Variants in CERS3 observed in about 807,000 individuals in gnomAD.
CERS3 encodes the protein ceramide synthase 3, also known as LAG1 homolog, ceramide synthase 3.
In CERS3, 33 loss-of-function variants were observed where a neutral mutation model predicts 50.3. That is an observed-to-expected ratio of 0.66 (90% CI 0.50 to 0.88). The LOEUF is 0.88. CERS3 is among the 40% of genes least tolerant of loss of function. The pLI is 0.00. For missense variants in CERS3, 470 were observed against 460.3 expected (o/e 1.02, Z -0.19); for synonymous variants, 176 against 155.2 (o/e 1.13, Z -0.99).
Position 100,428,840 on chromosome 15 carries a change from C to T in CERS3, c.1000-25975G>A, listed in dbSNP as rs772200373. ...ATGATATTTAAATAGAGGAATCTCA[C>T]TTAGATGAGGCTGATGCCAGGAAGG... On this transcript the variant is annotated intron_variant, in intron 11 of 11. Transcript: ENST00000679737. 2.0e-5 allele frequency among the ~76,000 whole-genome samples: 3 copies of T among 152,296 alleles called. 1 individual carries two copies. The highest frequency in any genetic ancestry group is 6.8e-3 in the Middle Eastern group (2 of 294).
chr15:100,452,731 A>T (rs766905594), intron 11 of CERS3, among the ~76,000 whole-genome samples: 2 of 152,130 alleles, frequency 1.3e-5, no homozygotes, highest in Non-Finnish European at 2.9e-5. Flanking sequence ...TTTTGAAAAG[A>T]TAGACAAAAT....
At chr15:100,455,651 T>C (rs1300606523) in intron 11 of CERS3, among the ~76,000 whole-genome samples, 2 of 152,162 alleles carry the variant, frequency 1.3e-5, no homozygotes, top group South Asian at 4.1e-4. Flanking sequence ...TTTTGAAGTT[T>C]TGACATTTTA....
intron 9 of CERS3, among the ~76,000 whole-genome samples, chr15:100,472,493 C>T (rs771066218): frequency 6.6e-6 from 1 of 150,842 alleles, no homozygotes; most frequent in Non-Finnish European, 1.5e-5. Flanking sequence ...AGGGATTGGG[C>T]TCGGGGAGGG....
At chr15:100,476,484 A>G (rs1596728176) in intron 7 of CERS3, among the ~76,000 whole-genome samples, 1 of 152,216 alleles carries the variant, frequency 6.6e-6, no homozygotes, top group African/African-American at 2.4e-5. Flanking sequence ...TTTTAAAAAA[A>G]TTAAAAATCT....
intron 11 of CERS3, among the ~76,000 whole-genome samples, chr15:100,427,291 G>A (rs974627654): frequency 6.6e-6 from 1 of 152,136 alleles, no homozygotes; most frequent in Non-Finnish European, 1.5e-5. Flanking sequence ...CAAGAATTCC[G>A]AATAAGGAAA....
chr15:100,413,091 G>A (rs1195912352), intron 11 of CERS3, among the ~76,000 whole-genome samples: 2 of 152,144 alleles, frequency 1.3e-5, no homozygotes, highest in Non-Finnish European at 2.9e-5. Flanking sequence ...AACAAATTGT[G>A]ATGGATGCAG....
intron 1 of CERS3, among the ~76,000 whole-genome samples, chr15:100,540,975 T>C (rs1177339193): frequency 1.3e-5 from 2 of 152,344 alleles, no homozygotes; most frequent in African/African-American, 4.8e-5. Flanking sequence ...ATGCACTTTC[T>C]ATGAGTCTAA....
chr15:100,401,461 G>T lies in CERS3; in HGVS notation c.*1252C>A, dbSNP rs1366186382. 1 of 152,302 alleles carries T rather than the reference G, an allele frequency of 6.6e-6. No individual in the cohort carries two copies. Among genetic ancestry groups the T allele is most frequent in the Non-Finnish European group, 1.5e-5 (1 of 68,120 alleles). 9.4% of individuals were successfully genotyped at this position (152,302 alleles called of 1,614,324 possible). On this transcript the variant is annotated 3_prime_UTR_variant, in exon 12 of 12. Coordinates refer to ENST00000679737, the MANE Select transcript of CERS3 (RefSeq NM_001378789.1). ...GGAGGGTGAGGACAAGCTGGCTACTGATCTGCCCGTCCCTATCCCTCCTCC... is the reference window on the plus strand; with the variant it reads ...GGAGGGTGAGGACAAGCTGGCTACTTATCTGCCCGTCCCTATCCCTCCTCC...
intron 11 of CERS3, among the ~76,000 whole-genome samples, chr15:100,453,613 T>C (rs1034527313): frequency 4.6e-5 from 7 of 152,228 alleles, no homozygotes; most frequent in Admixed American, 4.6e-4. Context: ...CTGACTTTAC[T>C]ACTCCTGTTT....
At chr15:100,511,092 C>T (rs147475235) in intron 2 of CERS3, among the ~76,000 whole-genome samples, 51 of 152,198 alleles carry the variant, frequency 3.4e-4, no homozygotes, top group African/African-American at 1.2e-3. Flanking sequence ...GTTTGAGGAC[C>T]AGGCTGACCA....
At chr15:100,409,144 T>C (rs1027567325) in intron 11 of CERS3, among the ~76,000 whole-genome samples, 1 of 152,210 alleles carries the variant, frequency 6.6e-6, no homozygotes, top group African/African-American at 2.4e-5. Context: ...CCCCTCCTTC[T>C]GAGCCAAGTG....
At chr15:100,437,902 G>A (rs2033495155) in intron 11 of CERS3, 1 of 152,108 alleles carries the variant, frequency 6.6e-6, no homozygotes, top group Non-Finnish European at 1.5e-5. Context: ...TTACTTGGAA[G>A]TGATGTGAGA....
At chr15:100,525,367 A>T (rs530866728) in intron 1 of CERS3, among the ~76,000 whole-genome samples, 3 of 152,246 alleles carry the variant, frequency 2.0e-5, no homozygotes, top group Non-Finnish European at 1.5e-5. Flanking sequence ...TTAATTTTAT[A>T]TTTAAGTAGC....
chr15:100,436,327 G>A (rs902479044), intron 11 of CERS3, among the ~76,000 whole-genome samples: 12 of 152,164 alleles, frequency 7.9e-5, no homozygotes, highest in African/African-American at 2.4e-5. Context: ...TTGCAGGAAC[G>A]TGGATGAAGC....
chr15:100,423,604 C>T (rs988519684), intron 11 of CERS3, among the ~76,000 whole-genome samples: 9 of 152,058 alleles, frequency 5.9e-5, no homozygotes, highest in South Asian at 2.1e-4. Context: ...TACTTGAGGG[C>T]GGAGGGTAGG....
chr15:100,409,726 C>A, intron 11 of CERS3, among the ~76,000 whole-genome samples: 1 of 152,162 alleles, frequency 6.6e-6, no homozygotes, highest in East Asian at 1.9e-4. Flanking sequence ...CCCATTTGCT[C>A]TCCACACACC....
intron 5 of CERS3, 57 bp from the exon 6 acceptor site, chr15:100,480,103 G>A: frequency 7.6e-7 from 1 of 1,308,404 alleles, no homozygotes; most frequent in Non-Finnish European, 1.1e-6. Context: ...GATTTGAGGA[G>A]AAAATGATTA....
At chr15:100,427,397 T>C (rs1046851332) in intron 11 of CERS3, among the ~76,000 whole-genome samples, 1 of 152,200 alleles carries the variant, frequency 6.6e-6, no homozygotes, top group South Asian at 2.1e-4. Context: ...TAAGTGGAAA[T>C]GAATAACATT....
At chr15:100,482,582 A>G (rs966118027) in intron 5 of CERS3, among the ~76,000 whole-genome samples, 3 of 144,818 alleles carry the variant, frequency 2.1e-5, no homozygotes, top group African/African-American at 7.6e-5. Flanking sequence ...AAAAGTGGTC[A>G]GCTAATGTGG....
Sources: allele counts gnomAD v4.1 joint callset (sites outside exome capture counted in the v4.1 genomes callset), GRCh38; gene constraint gnomAD v4.1.1; transcripts MANE v1.5; gene names NCBI Gene and HGNC (gene_info 2026-07-23, HGNC 2026-07-21).